FOXN3: variants seen among roughly 807,000 people sequenced by gnomAD.
The protein encoded by FOXN3 is forkhead box protein N3.
FOXN3 carries 7 observed loss-of-function variants against 38.4 expected under a neutral mutation model. The ratio of observed to expected loss-of-function variants is 0.18; its 90% CI spans 0.10 to 0.34. The LOEUF (loss-of-function observed/expected upper bound fraction) is 0.34, where lower values mean the gene tolerates loss of function less well. Among genes scored for constraint, FOXN3 ranks in the 10% least tolerant of loss-of-function variants. FOXN3 has a pLI of 1.00. For missense variants in FOXN3, 456 were observed against 613.4 expected (o/e 0.74, Z 2.71); for synonymous variants, 230 against 242.2 (o/e 0.95, Z 0.47).
chr14:89,173,136 A>G (rs1332598889), intron 5 of FOXN3, among the ~76,000 whole-genome samples: 1 of 152,264 alleles, frequency 6.6e-6, no homozygotes, highest in Non-Finnish European at 1.5e-5. Context: ...ACCCAGTAGA[A>G]AAATGAGCAA....
chr14:89,591,708 T>G (rs962664731), intron 1 of FOXN3, among the ~76,000 whole-genome samples: 10 of 152,166 alleles, frequency 6.6e-5, no homozygotes, highest in Admixed American at 2.6e-4. Context: ...GAGGATCGCT[T>G]AAGCCCAGGA....
chr14:89,230,396 G>C (rs138121815), intron 4 of FOXN3, among the ~76,000 whole-genome samples: 1 of 152,282 alleles, frequency 6.6e-6, no homozygotes, highest in East Asian at 1.9e-4. Flanking sequence ...TGAAAGCCAG[G>C]CTGTGTGAAA....
rs527632733 is a variant in FOXN3 at position 89,337,347 on chromosome 14, A to T, written c.680+13325T>A. On this transcript the variant is annotated intron_variant, in intron 3 of 5. Coordinates refer to ENST00000557258, the MANE Select transcript of FOXN3 (RefSeq NM_005197.4). ...CTTTGTTCTCATCAAAGAAGAAAAGAATGTAGGGGAAAAAAACTAATGAGT... is the reference window on the plus strand; with the variant it reads ...CTTTGTTCTCATCAAAGAAGAAAAGTATGTAGGGGAAAAAAACTAATGAGT... 7.9e-4 allele frequency among the ~76,000 whole-genome samples: 120 copies of T among 152,304 alleles called. 1 individual carries two copies. The highest frequency in any genetic ancestry group is 2.8e-3 in the African/African-American group (117 of 41,572).
At chr14:89,579,208 T>C (rs559597788) in intron 1 of FOXN3, among the ~76,000 whole-genome samples, 3 of 146,298 alleles carry the variant, frequency 2.1e-5, no homozygotes, top group Admixed American at 7.0e-5. Context: ...TGAAGTACAC[T>C]GGCATGATCA....
intron 2 of FOXN3, among the ~76,000 whole-genome samples, chr14:89,394,408 T>C (rs1203143730): frequency 1.3e-5 from 2 of 152,042 alleles, no homozygotes; most frequent in African/African-American, 2.4e-5. Context: ...GGTTTCGCCA[T>C]GTTGGCCAGG....
chr14:89,236,042 G>A (rs1481865338), intron 4 of FOXN3, among the ~76,000 whole-genome samples: 1 of 152,234 alleles, frequency 6.6e-6, no homozygotes, highest in African/African-American at 2.4e-5. Context: ...GGCGCTCATG[G>A]CTGGGTCTAT....
chr14:89,297,715 C>T (rs1474459403), intron 3 of FOXN3, among the ~76,000 whole-genome samples: 2 of 152,180 alleles, frequency 1.3e-5, no homozygotes, highest in South Asian at 2.1e-4. Context: ...CGATGGCTCA[C>T]GCCTATAATC....
At chr14:89,506,329 GGGTCAGCCCCCCGCCC>G (rs1779055843) in intron 1 of FOXN3, among the ~76,000 whole-genome samples, 1 of 68,002 alleles carries the variant, frequency 1.5e-5, no homozygotes, top group Non-Finnish European at 4.0e-5. Context: ...GGAGGTGGGG[GGGTCAGCCCCCCGCCC>G]GGCCAGCCGC....
intron 3 of FOXN3, chr14:89,291,379 C>T (rs1258128013): frequency 3.4e-6 from 2 of 595,426 alleles, no homozygotes; most frequent in Non-Finnish European, 6.6e-6. Context: ...CTGCATAAGT[C>T]TCCATGTCAC....
At chr14:89,218,945 C>T (rs896086480) in intron 4 of FOXN3, among the ~76,000 whole-genome samples, 1 of 152,198 alleles carries the variant, frequency 6.6e-6, no homozygotes, top group Admixed American at 6.5e-5. Context: ...TAAGACTTTC[C>T]CTAACCTTCC....
chr14:89,604,206 AAC>A (rs58288291), intron 1 of FOXN3, among the ~76,000 whole-genome samples: 20,514 of 146,606 alleles, frequency 0.14, 2,699 homozygotes, highest in African/African-American at 0.36. Context: ...AGCAAAACAA[AAC>A]ACACACACAC....
At position 89,368,095 on chromosome 14, in the gene FOXN3, G is replaced by A. The variant is rs546405127; in HGVS notation, c.544-17287C>T. Among the ~76,000 whole-genome samples the A allele has an allele frequency of 7.1e-4, 107 of 149,796 alleles. No individual in the cohort carries two copies. In the South Asian group the frequency reaches 0.019, roughly 26 times the overall value. On this transcript the variant is annotated intron_variant, in intron 2 of 5. Transcript: ENST00000557258. ...TGTAATCCCAACACTTTGGGAGGCC[G>A]AGGCGGGTGAATCACTTGAGGTCAG...
chr14:89,484,844 A>G lies in FOXN3; in HGVS notation c.-14-72354T>C, dbSNP rs1235685369. On this transcript the variant is annotated intron_variant, in intron 1 of 6. Coordinates refer to the FOXN3 transcript ENST00000345097. This position sits in a 1 kb window ranked among gnomAD's most constrained non-coding sequence, Gnocchi z 4.0. ...CTGACAACTCTCAGTAGCACCTTTA[A>G]GACCCAGGACAGGCCAGGTGTGGTA... Among the ~76,000 whole-genome samples the G allele has an allele frequency of 6.6e-6, 1 of 152,166 alleles. No homozygotes were observed. The highest frequency in any genetic ancestry group is 6.5e-5 in the Admixed American group (1 of 15,280).
At chr14:89,339,473 G>A (rs1484338499) in intron 3 of FOXN3, among the ~76,000 whole-genome samples, 1 of 152,170 alleles carries the variant, frequency 6.6e-6, no homozygotes, top group African/African-American at 2.4e-5. Flanking sequence ...AGGAAGCATG[G>A]AGACCCTCCA....
At chr14:89,520,018 T>C (rs63553961) in intron 1 of FOXN3, among the ~76,000 whole-genome samples, 1 of 100,240 alleles carries the variant, frequency 1.0e-5, no homozygotes, top group South Asian at 2.3e-4. Context: ...TCTTTTTTTC[T>C]TTTTTTTTTT....
intron 1 of FOXN3, among the ~76,000 whole-genome samples, chr14:89,461,555 C>G (rs1892848732): frequency 6.6e-6 from 1 of 152,120 alleles, no homozygotes; most frequent in Non-Finnish European, 1.5e-5. Context: ...TATCAGAACA[C>G]CAATGCAGAG....
chr14:89,173,695 T>C (rs1330644815), intron 5 of FOXN3, among the ~76,000 whole-genome samples: 3 of 152,198 alleles, frequency 2.0e-5, no homozygotes, highest in African/African-American at 7.2e-5. Context: ...ATTCTAGTTA[T>C]TTAAAAAACT....
At chr14:89,223,182 G>A (rs1290940792) in intron 4 of FOXN3, 2 of 152,256 alleles carry the variant, frequency 1.3e-5, no homozygotes, top group East Asian at 1.9e-4. Flanking sequence ...GTTGAGTTGA[G>A]CCACTGTATG....
At chr14:89,557,911 C>T (rs950046384) in intron 1 of FOXN3, among the ~76,000 whole-genome samples, 3 of 152,122 alleles carry the variant, frequency 2.0e-5, no homozygotes, top group African/African-American at 7.2e-5. Context: ...GAGGCTGAGG[C>T]AGGAGAATCA....
Sources: allele counts gnomAD v4.1 joint callset (sites outside exome capture counted in the v4.1 genomes callset), GRCh38; gene constraint gnomAD v4.1.1; non-coding constraint Gnocchi (gnomAD v3.1); transcripts MANE v1.5; gene names NCBI Gene and HGNC (gene_info 2026-07-23, HGNC 2026-07-21).